TET3: variants seen among roughly 807,000 people sequenced by gnomAD.
The protein encoded by TET3 is tet methylcytosine dioxygenase 3.
A neutral mutation model predicts 141.4 loss-of-function variants in TET3; 19 were observed. That is an observed-to-expected ratio of 0.13 (90% CI 0.09 to 0.20). The LOEUF (loss-of-function observed/expected upper bound fraction) is 0.20. Among genes scored for constraint, TET3 ranks in the 10% least tolerant of loss-of-function variants. The pLI is 1.00. For missense variants in TET3, 1,874 were observed against 2,356.9 expected (o/e 0.80, Z 4.24); for synonymous variants, 1,043 against 980.9 (o/e 1.06, Z -1.18).
At chr2:74,052,988 G>A (rs12620278) in intron 4 of TET3, among the ~76,000 whole-genome samples, 82,423 of 152,072 alleles carry the variant, frequency 0.54, 25,591 homozygotes, top group African/African-American at 0.86. Context: ...ACCCCTTTAT[G>A]TAAAAATGAT....
At position 73,999,831 on chromosome 2, in the gene TET3, A is replaced by G. The variant is rs143892715; in HGVS notation, c.304-3279A>G. Among the ~76,000 whole-genome samples the G allele has an allele frequency of 7.0e-4, 107 of 152,272 alleles. 1 individual carries two copies. The highest frequency in any genetic ancestry group is 2.4e-3 in the African/African-American group (101 of 41,552). Reference sequence around the variant, plus strand: ...CGGCTGGAGGCAGAGTGGCCCTGGCATGCACCTCTGTGACTCCCTTGAGCC... The same window carrying G: ...CGGCTGGAGGCAGAGTGGCCCTGGCGTGCACCTCTGTGACTCCCTTGAGCC... On this transcript the variant is annotated intron_variant, in intron 2 of 11. Coordinates refer to ENST00000409262, the MANE Select transcript of TET3 (RefSeq NM_001287491.2).
chr2:73,987,239 T>G (rs1684078304), intron 2 of TET3, among the ~76,000 whole-genome samples: 1 of 152,140 alleles, frequency 6.6e-6, no homozygotes, highest in Admixed American at 6.6e-5. Context: ...GGTTCCCCTA[T>G]CTTAGTTCTT....
rs528148556 is a variant in TET3 at position 74,002,189 on chromosome 2, C to G, written c.304-921C>G. On this transcript the variant is annotated intron_variant, in intron 2 of 11. Transcript: ENST00000409262. ...CCGCATCACCTTGGGTAAGTTGTTT[C>G]ACTTATTTTATCACCTCATTTGCAG... is the stretch of plus-strand genomic sequence containing the variant. Among the ~76,000 whole-genome samples, 70 of 152,246 alleles carry G rather than the reference C, an allele frequency of 4.6e-4. 1 individual carries two copies. Among genetic ancestry groups the G allele is most frequent in the African/African-American group, 1.7e-3 (69 of 41,546 alleles).
intron 4 of TET3, among the ~76,000 whole-genome samples, chr2:74,060,243 G>A (rs1344038680): frequency 1.3e-5 from 2 of 152,152 alleles, no homozygotes; most frequent in African/African-American, 2.4e-5. Context: ...GCCTAATGAG[G>A]GTGAGCAGTT....
the TET3 span, among the ~76,000 whole-genome samples, chr2:74,129,860 G>A: frequency 6.6e-6 from 1 of 151,972 alleles, no homozygotes; most frequent in African/African-American, 2.4e-5. Context: ...TTGGGAGGCC[G>A]AGGTGGACGG....
chr2:74,075,930 G>C (rs1423045853), intron 5 of TET3, among the ~76,000 whole-genome samples: 1 of 152,172 alleles, frequency 6.6e-6, no homozygotes, highest in Non-Finnish European at 1.5e-5. Flanking sequence ...AGACCAGGCA[G>C]CTTCTGGGCC....
chr2:74,101,666 GGGCGGT>G lies in TET3; in HGVS notation c.4881_4886del (p.Gly1629_Gly1630del), dbSNP rs774786831. On this transcript the variant is annotated inframe_deletion, in exon 12 of 12. Transcript: ENST00000409262. The surrounding 1 kb of genome is among the most constrained non-coding windows in gnomAD (Gnocchi z 8.5). ...GCAAGGGAGCGGTGAAGGAGGAGAA[GGGCGGT>G]GGTGGTGCGGAGGAGGAAGAGGAGG... The G allele has an allele frequency of 2.5e-6, 4 of 1,613,612 alleles. No homozygotes were observed. In the African/African-American group the frequency reaches 5.3e-5, roughly 22 times the overall value.
chr2:74,081,029 C>T (rs1279375175), intron 6 of TET3, among the ~76,000 whole-genome samples: 1 of 152,208 alleles, frequency 6.6e-6, no homozygotes, highest in Non-Finnish European at 1.5e-5. Context: ...CTTTTGTCTG[C>T]TGCCTGGAAG....
chr2:74,075,011 C>T (rs1456485568), intron 5 of TET3, among the ~76,000 whole-genome samples: 1 of 152,128 alleles, frequency 6.6e-6, no homozygotes, highest in Non-Finnish European at 1.5e-5. Flanking sequence ...GCTGGGACTA[C>T]AGGCGCCTGC....
rs1691483294 is a variant in TET3 at position 74,106,088 on chromosome 2, CTT to C, written c.*3913_*3914del. 2.0e-5 allele frequency: 1 copy of C among 49,944 alleles called. No individual in the cohort carries two copies. Among genetic ancestry groups the C allele is most frequent in the Admixed American group, 3.5e-4 (1 of 2,840 alleles). The allele number at this position is 49,944 out of a possible 1,614,324, so 3.1% of individuals were successfully genotyped here. A position where few individuals can be genotyped will look rare whatever the true frequency, so the allele number is the denominator to read the frequency against. On this transcript the variant is annotated 3_prime_UTR_variant, in exon 12 of 12. Coordinates refer to ENST00000409262, the MANE Select transcript of TET3 (RefSeq NM_001287491.2). ...CCAAAAACAAGGTGGGCTCCAGTCT[CTT>C]GGCTTTTTTTTTTCCCTCCCCTCTT... is the stretch of plus-strand genomic sequence containing the variant.
chr2:74,119,352 CAAAA>C, the TET3 span, among the ~76,000 whole-genome samples: 3 of 107,594 alleles, frequency 2.8e-5, no homozygotes, highest in Non-Finnish European at 4.2e-5. Flanking sequence ...GACTCTATCT[CAAAA>C]AAAAAAAAAA....
Position 74,104,941 on chromosome 2 carries a change from G to C in TET3, c.*2765G>C, listed in dbSNP as rs1691418437. On this transcript the variant is annotated 3_prime_UTR_variant, in exon 12 of 12. Transcript: ENST00000409262. ...GTGTGGTTGCCGTGCTCAAGCCCAT[G>C]CTGATTTGTACACTACATGTCTAAC... The C allele has an allele frequency of 2.6e-6, 1 of 378,760 alleles. No homozygotes were observed. The highest frequency in any genetic ancestry group is 4.7e-6 in the Non-Finnish European group (1 of 214,412). 23.5% of individuals were successfully genotyped at this position (378,760 alleles called of 1,614,324 possible).
intron 4 of TET3, among the ~76,000 whole-genome samples, chr2:74,060,751 A>G (rs551547676): frequency 1.3e-5 from 2 of 152,294 alleles, no homozygotes; most frequent in African/African-American, 4.8e-5. Flanking sequence ...GCCTTCAAGC[A>G]TCTGTTTAAC....
rs146612512 is a variant in TET3 at position 74,097,195 on chromosome 2, G to GCACACACACACACACA, written c.3268-2060_3268-2045dup. On this transcript the variant is annotated intron_variant, in intron 10 of 11. Transcript: ENST00000409262. Reference sequence around the variant, plus strand: ...TTTGTAGTTTTATATAGCCATACATGCACACACACACACACACACACACAC... The same window carrying GCACACACACACACACA: ...TTTGTAGTTTTATATAGCCATACATGCACACACACACACACACACACACACACACACACACACACAC... Among the ~76,000 whole-genome samples, 800 of 138,010 alleles carry GCACACACACACACACA rather than the reference G, an allele frequency of 5.8e-3. 5 individuals carry two copies. The highest frequency in any genetic ancestry group is 8.0e-3 in the Non-Finnish European group (510 of 63,666). 90.5% of individuals were successfully genotyped at this position (138,010 alleles called of 152,430 possible).
intron 6 of TET3, among the ~76,000 whole-genome samples, chr2:74,081,863 A>G (rs976043085): frequency 6.6e-6 from 1 of 152,228 alleles, no homozygotes; most frequent in African/African-American, 2.4e-5. Context: ...GCATTGCAGA[A>G]TTATATACAA....
chr2:74,122,197 C>G, the TET3 span: 2 of 152,010 alleles, frequency 1.3e-5, no homozygotes, highest in African/African-American at 2.4e-5. Context: ...GTTTGAGTCA[C>G]AAATTAACAA....
At chr2:74,096,793 GAA>G (rs1690860735) in intron 10 of TET3, among the ~76,000 whole-genome samples, 1 of 136,292 alleles carries the variant, frequency 7.3e-6, no homozygotes, top group Non-Finnish European at 1.6e-5. Flanking sequence ...AAGAAAGAAA[GAA>G]AGAAAAGCAG....
At chr2:74,108,453 T>G (rs1428953443), downstream of TET3, among the ~76,000 whole-genome samples, 3 of 152,258 alleles carry the variant, frequency 2.0e-5, no homozygotes, top group Admixed American at 6.5e-5. Context: ...TTATGTTTTT[T>G]TGTCCTTTTT....
chr2:74,069,503 A>T (rs150284797), intron 4 of TET3, among the ~76,000 whole-genome samples: 106 of 151,990 alleles, frequency 7.0e-4, no homozygotes, highest in African/African-American at 2.3e-3. Context: ...ATGAAATTTT[A>T]TAAAATGAAC....
Sources: allele counts gnomAD v4.1 joint callset (sites outside exome capture counted in the v4.1 genomes callset), GRCh38; gene constraint gnomAD v4.1.1; non-coding constraint Gnocchi (gnomAD v3.1); transcripts MANE v1.5; gene names NCBI Gene and HGNC (gene_info 2026-07-23, HGNC 2026-07-21).